The following ADAR variants were observed in gnomAD, a reference collection of about 807,000 sequenced individuals.
The protein encoded by ADAR is double-stranded RNA-specific adenosine deaminase.
A neutral mutation model predicts 113.2 loss-of-function variants in ADAR; 41 were observed. The ratio of observed to expected loss-of-function variants is 0.36; its 90% CI spans 0.28 to 0.47. The LOEUF is 0.47. Among genes scored for constraint, ADAR ranks in the 20% least tolerant of loss-of-function variants. The pLI is 1.00. For missense variants in ADAR, 1,242 were observed against 1,540.9 expected, an observed-to-expected ratio of 0.81 and a Z score of 3.25; for synonymous variants, 605 against 572.6, an observed-to-expected ratio of 1.06 and a Z score of -0.81.
upstream of ADAR, among the ~76,000 whole-genome samples, chr1:154,612,774 T>TA (rs565696111): frequency 7.7e-4 from 117 of 152,264 alleles, no homozygotes; most frequent in Non-Finnish European, 1.5e-3. Context: ...ACTGAGTTTT[T>TA]ATTCCACTAC....
In ADAR at chr1:154,601,935, G is replaced by C. The variant is rs1400167004; in HGVS notation, c.707C>G (p.Ser236Cys). Residue 236 changes from serine to cysteine, a missense_variant, in exon 2 of 15, where the codon TCT becomes TGT. Physicochemically the swap from Ser to Cys is moderately radical, Grantham distance 112 (BLOSUM62 -1). Around this residue, in one of 2 missense-constraint regions of ADAR, gnomAD observed 462 missense variants for 483.1 expected, o/e 0.96. Transcript: ENST00000368474. The surrounding 1 kb of genome is among the most constrained non-coding windows in gnomAD (Gnocchi z 4.7). ...AGGCTCAAGAAGATCTTCTGAGACA[G>C]ATGTGGAGTTTCTGTCTTCCGGTTC... ...SLEPEDRNST[S>C]VSEDLLEPFI... 7 of 1,614,070 alleles carry C rather than the reference G, an allele frequency of 4.3e-6. No individual in the cohort carries two copies. The South Asian group carries it at 7.7e-5, about 18-fold the overall frequency.
intron 1 of ADAR, among the ~76,000 whole-genome samples, chr1:154,627,358 A>T (rs1226414258): frequency 1.3e-5 from 2 of 152,202 alleles, no homozygotes. Context: ...AAGGCACGCC[A>T]GGGCGGCGAT....
chr1:154,602,067 G>C lies in ADAR; in HGVS notation c.575C>G (p.Pro192Arg), dbSNP rs1557888304. 6.2e-7 allele frequency: 1 copy of C among 1,614,168 alleles called. No homozygotes were observed. Among genetic ancestry groups the C allele is most frequent in the Non-Finnish European group, 8.5e-7 (1 of 1,180,020 alleles). Reference protein sequence around the residue: ...KGKLQKEAGTPPLWKIAVSTQ... With the variant: ...KGKLQKEAGTRPLWKIAVSTQ... ...GGAGACCGCGATTTTCCACAAAGGG[G>C]GTGTTCCTGCCTCTTTCTGTAGCTT... The change falls in exon 2 of 15, where the codon CCC (proline) becomes CGC (arginine). Residue 192 changes from proline (P) to arginine (R), a missense_variant. Around this residue, in one of 2 missense-constraint regions of ADAR, gnomAD observed 462 missense variants for 483.1 expected, o/e 0.96. Coordinates refer to ENST00000368474, the MANE Select transcript of ADAR (RefSeq NM_001111.5).
At chr1:154,622,309 T>C (rs1205791523) in intron 1 of ADAR, among the ~76,000 whole-genome samples, 1 of 152,186 alleles carries the variant, frequency 6.6e-6, no homozygotes, top group Non-Finnish European at 1.5e-5. Context: ...TATCAGGCTG[T>C]TAGATAGCTC....
In ADAR at chr1:154,597,049, G is replaced by C; in HGVS notation, c.2080-54C>G. 5 of 1,613,934 alleles carry C rather than the reference G, an allele frequency of 3.1e-6. No homozygotes were observed. The South Asian group carries it at 4.4e-5, about 14-fold the overall frequency. On this transcript the variant is annotated intron_variant, in intron 5 of 14. Transcript: ENST00000368474. ...CCATAAACACTTCAGGAAATGTTGA[G>C]GGAGTCACTGGCAATCTTAAACCAC...
chr1:154,625,958 C>T (rs1178928687), intron 1 of ADAR, among the ~76,000 whole-genome samples: 1 of 130,516 alleles, frequency 7.7e-6, no homozygotes, highest in East Asian at 2.2e-4. Context: ...GAGCTGAGAT[C>T]GCATCATTGC....
At chr1:154,623,670 G>C (rs1698855430) in intron 1 of ADAR, among the ~76,000 whole-genome samples, 1 of 152,122 alleles carries the variant, frequency 6.6e-6, no homozygotes, top group African/African-American at 2.4e-5. Flanking sequence ...TCATAGGCTT[G>C]GGGTTGCTGA....
At chr1:154,589,686 C>T in intron 8 of ADAR, 71 bp downstream of exon 8, 1 of 1,582,988 alleles carries the variant, frequency 6.3e-7, no homozygotes, top group Non-Finnish European at 8.7e-7. Flanking sequence ...CATGCATGGA[C>T]TCCAGGGGAG....
chr1:154,610,830 A>AAAAAAAAAAAAAAAAAAAAAAAC, upstream of ADAR, among the ~76,000 whole-genome samples: 1 of 141,766 alleles, frequency 7.1e-6, no homozygotes, highest in African/African-American at 3.0e-5. Context: ...AAAAGAAAAA[A>AAAAAAAAAAAAAAAAAAAAAAAC]AAAAAAAAAA....
intron 6 of ADAR, among the ~76,000 whole-genome samples, chr1:154,594,068 G>C (rs1434493957): frequency 6.6e-6 from 1 of 152,106 alleles, no homozygotes; most frequent in African/African-American, 2.4e-5. Context: ...TTTTAGTAGA[G>C]ATGGGGTTTT....
At chr1:154,590,739 G>C (rs1448548560) in intron 6 of ADAR, among the ~76,000 whole-genome samples, 2 of 151,478 alleles carry the variant, frequency 1.3e-5, no homozygotes, top group Non-Finnish European at 2.9e-5. Context: ...AGACCAGCCT[G>C]GGCAACATAG....
At chr1:154,627,530 G>A (rs1041469361) in intron 1 of ADAR, among the ~76,000 whole-genome samples, 5 of 152,216 alleles carry the variant, frequency 3.3e-5, no homozygotes, top group Non-Finnish European at 7.3e-5. Flanking sequence ...CAGCTGTTGG[G>A]CCTTTGGTAC....
At chr1:154,587,133 A>G (rs1696814400) in intron 11 of ADAR, among the ~76,000 whole-genome samples, 3 of 151,748 alleles carry the variant, frequency 2.0e-5, no homozygotes, top group Admixed American at 2.0e-4. Flanking sequence ...TGGCGCAGTC[A>G]CTCCTCATCT....
chr1:154,597,237 T>C lies in ADAR; in HGVS notation c.1965A>G (p.Gln655=), dbSNP rs1003456542. 12 of 1,614,014 alleles carry C rather than the reference T, an allele frequency of 7.4e-6. No individual in the cohort carries two copies. Among genetic ancestry groups the C allele is most frequent in the Middle Eastern group, 1.6e-4 (1 of 6,084 alleles). The change falls in exon 5 of 15, where the codon CAA becomes CAG. Residue 655 remains glutamine (Q), a synonymous_variant. Coordinates refer to ENST00000368474, the MANE Select transcript of ADAR (RefSeq NM_001111.5). ...KFQYCVAVGA[Q]TFPSVSAPSK... is the part of the protein sequence containing the mutation. Reference sequence around the variant, plus strand: ...TGGGAGCACTCACACTGGGGAAAGTTTGGGCTCCCACTGCAACACAGTATT... The same window carrying C: ...TGGGAGCACTCACACTGGGGAAAGTCTGGGCTCCCACTGCAACACAGTATT...
upstream of ADAR, among the ~76,000 whole-genome samples, chr1:154,608,492 C>CTTTTTTTTTT (rs67463447): frequency 0.03 from 1,940 of 65,388 alleles, 3 homozygotes; most frequent in Middle Eastern, 0.04. Flanking sequence ...TCACTCCTGG[C>CTTTTTTTTTT]TTTTTTTTTT....
chr1:154,597,709 C>T (rs1045136581), intron 4 of ADAR, 119 bp downstream of exon 4: 1 of 1,372,268 alleles, frequency 7.3e-7, no homozygotes, highest in Admixed American at 1.8e-5. Flanking sequence ...GCCCTCCTTT[C>T]CCCATTTTGA....
At chr1:154,593,926 C>A (rs1278936293) in intron 6 of ADAR, among the ~76,000 whole-genome samples, 1 of 152,108 alleles carries the variant, frequency 6.6e-6, no homozygotes, top group East Asian at 1.9e-4. Flanking sequence ...CTCCATCACC[C>A]AGGCTGGAGT....
chr1:154,585,455 C>G, intron 13 of ADAR, 111 bp from the exon 14 acceptor site: 4 of 1,521,934 alleles, frequency 2.6e-6, no homozygotes, highest in Non-Finnish European at 1.8e-6. Flanking sequence ...ATGATCTTTC[C>G]CCTGTATTTA....
upstream of ADAR, chr1:154,608,681 C>T (rs983002021): frequency 1.3e-5 from 2 of 152,230 alleles, no homozygotes; most frequent in African/African-American, 2.4e-5. Flanking sequence ...TACTGAGCTC[C>T]TAATTCCCCG....
Sources: gnomAD v4.1 joint callset for allele counts (sites outside exome capture counted in the v4.1 genomes callset) on GRCh38, gnomAD v4.1.1 for gene constraint, gnomAD v4.1.1 regional missense constraint, Gnocchi (gnomAD v3.1) non-coding constraint, MANE v1.5 for transcripts, NCBI Gene and HGNC (gene_info 2026-07-23, HGNC 2026-07-21) for gene names.